Variants in SHTN1 observed in about 807,000 individuals in gnomAD.
SHTN1 encodes shootin 1.
A neutral mutation model predicts 83.1 loss-of-function variants in SHTN1; 42 were observed. The ratio of observed to expected loss-of-function variants is 0.51; its 90% CI spans 0.39 to 0.65. SHTN1 has a LOEUF of 0.65. Ranked by LOEUF, SHTN1 falls within the 30% of genes least tolerant of loss-of-function variation. The pLI is 0.00. For missense variants in SHTN1, 622 were observed against 737.8 expected (o/e 0.84, Z 1.82); for synonymous variants, 224 against 247.7 (o/e 0.90, Z 0.90).
chr10:116,916,192 AT>A (rs1304269567), intron 12 of SHTN1, among the ~76,000 whole-genome samples: 7 of 152,196 alleles, frequency 4.6e-5, no homozygotes, highest in African/African-American at 1.4e-4. Context: ...TGCAAAAAAA[AT>A]AAATAAATAA....
intron 1 of SHTN1, among the ~76,000 whole-genome samples, chr10:117,064,527 C>T (rs141314371): frequency 4.6e-5 from 7 of 151,946 alleles, no homozygotes; most frequent in Middle Eastern, 3.4e-3. Flanking sequence ...TGGTGGTGGG[C>T]GCCTGTAATC....
At chr10:117,027,292 A>G (rs7084815) in intron 2 of SHTN1, among the ~76,000 whole-genome samples, 138,240 of 151,894 alleles carry the variant, frequency 0.91, 64,290 homozygotes, top group Non-Finnish European at 1. Context: ...GTGAGTTCTC[A>G]TGAGATCTGG....
At chr10:116,987,225 C>T (rs914821907) in intron 1 of SHTN1, among the ~76,000 whole-genome samples, 1 of 152,016 alleles carries the variant, frequency 6.6e-6, no homozygotes, top group Non-Finnish European at 1.5e-5. Context: ...GAGAAGAACT[C>T]GTAAAGGTCA....
chr10:117,076,027 A>T lies in SHTN1; in HGVS notation c.-188-27517T>A, dbSNP rs548539731. On this transcript the variant is annotated intron_variant, in intron 1 of 17. Transcript: ENST00000392901. Reference sequence around the variant, plus strand: ...GTGGAACCCTATCTCTACTAAAAATAAAAAAATTAGCTAGGCGTGGTGGTG... The same window carrying T: ...GTGGAACCCTATCTCTACTAAAAATTAAAAAATTAGCTAGGCGTGGTGGTG... Among the ~76,000 whole-genome samples, 11 of 152,042 alleles carry T rather than the reference A, an allele frequency of 7.2e-5. No individual in the cohort carries two copies. In the South Asian group the frequency reaches 1.9e-3, roughly 26 times the overall value.
At chr10:117,064,714 C>T (rs1393426780) in intron 1 of SHTN1, among the ~76,000 whole-genome samples, 2 of 151,762 alleles carry the variant, frequency 1.3e-5, no homozygotes, top group African/African-American at 4.8e-5. Flanking sequence ...CCCCACTTGT[C>T]CCACCCTCAA....
chr10:117,093,612 T>A (rs1051834198), intron 1 of SHTN1, among the ~76,000 whole-genome samples: 3 of 152,080 alleles, frequency 2.0e-5, no homozygotes, highest in Admixed American at 6.5e-5. Flanking sequence ...AGATTCAAAC[T>A]CCGATCTACC....
intron 1 of SHTN1, among the ~76,000 whole-genome samples, chr10:117,109,239 C>G (rs1853724564): frequency 1.3e-5 from 2 of 152,120 alleles, no homozygotes; most frequent in African/African-American, 4.8e-5. Flanking sequence ...CACCCCCCAC[C>G]ACTGCTTTGG....
intron 1 of SHTN1, among the ~76,000 whole-genome samples, chr10:117,086,376 T>C (rs1043311981): frequency 1.3e-5 from 2 of 152,246 alleles, no homozygotes; most frequent in African/African-American, 4.8e-5. Context: ...GGGGTCTTGT[T>C]TGCTTTATTT....
chr10:117,088,157 G>C (rs1313212649), intron 1 of SHTN1, among the ~76,000 whole-genome samples: 1 of 152,142 alleles, frequency 6.6e-6, no homozygotes, highest in Non-Finnish European at 1.5e-5. Context: ...TTTTGCATTT[G>C]ATTACACACA....
At chr10:117,086,488 T>A (rs537909149) in intron 1 of SHTN1, among the ~76,000 whole-genome samples, 1 of 152,342 alleles carries the variant, frequency 6.6e-6, no homozygotes, top group South Asian at 2.1e-4. Flanking sequence ...TACTTGTAAC[T>A]GATTTTCATT....
intron 16 of SHTN1, among the ~76,000 whole-genome samples, chr10:116,898,699 A>C (rs1847609265): frequency 6.6e-6 from 1 of 152,228 alleles, no homozygotes; most frequent in Non-Finnish European, 1.5e-5. Context: ...AGGCTTTCCC[A>C]AGCCCTGATT....
At chr10:116,963,055 T>G (rs964474293) in intron 3 of SHTN1, among the ~76,000 whole-genome samples, 10 of 47,386 alleles carry the variant, frequency 2.1e-4, no homozygotes, top group Admixed American at 1.8e-3. Context: ...TTTTTTTTTT[T>G]TTTTTTTTTT....
At chr10:117,016,010 T>G (rs1012136011) in intron 2 of SHTN1, among the ~76,000 whole-genome samples, 1 of 152,208 alleles carries the variant, frequency 6.6e-6, no homozygotes, top group African/African-American at 2.4e-5. Context: ...TCTTTTTGCA[T>G]TCACTGCTTA....
chr10:117,046,094 T>C (rs1357547089), intron 2 of SHTN1, among the ~76,000 whole-genome samples: 1 of 151,960 alleles, frequency 6.6e-6, no homozygotes, highest in Non-Finnish European at 1.5e-5. Flanking sequence ...GAAGAAATAT[T>C]TGAAGGAATA....
intron 7 of SHTN1, among the ~76,000 whole-genome samples, chr10:116,946,075 A>T (rs536683068): frequency 2.5e-4 from 38 of 152,066 alleles, no homozygotes; most frequent in African/African-American, 7.5e-4. Flanking sequence ...AAAGAAAGGA[A>T]ATAATAAAAA....
rs1420888236 is a variant in SHTN1, at chr10:116,911,809, T to C, written c.1340A>G (p.Asp447Gly). ...ESSKGCESAVDELKGILGTLN... is the reference protein window; with the variant it reads ...ESSKGCESAVGELKGILGTLN... Reference sequence around the variant, plus strand: ...TCTTACCAGTATTCCTTTTAGTTCATCCACTGCACTTTCGCAGCCTTTCGA... The same window carrying C: ...TCTTACCAGTATTCCTTTTAGTTCACCCACTGCACTTTCGCAGCCTTTCGA... Residue 447 changes from aspartate (D) to glycine (G), a missense_variant, in exon 14 of 17, where the codon GAT becomes GGT. By Grantham distance (94) the Asp-to-Gly change is moderately conservative (BLOSUM62 -1). This residue lies in a region of SHTN1 where 231 missense variants were observed against 251.6 expected (regional missense o/e 0.92). Transcript: ENST00000355371. 6 of 1,612,942 alleles carry C rather than the reference T, an allele frequency of 3.7e-6. No individual in the cohort carries two copies. In the South Asian group the frequency reaches 4.4e-5, roughly 12 times the overall value.
intron 1 of SHTN1, among the ~76,000 whole-genome samples, chr10:117,002,346 G>A (rs1851850423): frequency 1.3e-5 from 2 of 152,152 alleles, no homozygotes; most frequent in South Asian, 4.1e-4. Context: ...CCTACCACAT[G>A]GACCTGACAT....
chr10:116,956,839 A>C (rs961232221), intron 4 of SHTN1, among the ~76,000 whole-genome samples: 1 of 152,130 alleles, frequency 6.6e-6, no homozygotes, highest in African/African-American at 2.4e-5. Flanking sequence ...CAATCAGAAA[A>C]TTTCATAATC....
At chr10:116,904,599 T>C (rs1049445532) in intron 15 of SHTN1, among the ~76,000 whole-genome samples, 1 of 152,216 alleles carries the variant, frequency 6.6e-6, no homozygotes, top group Admixed American at 6.5e-5. Context: ...TTTTCTATTC[T>C]AACTGCCCTA....
Sources: allele counts gnomAD v4.1 joint callset (sites outside exome capture counted in the v4.1 genomes callset), GRCh38; gene constraint gnomAD v4.1.1; regional missense constraint gnomAD v4.1.1; transcripts MANE v1.5; gene names NCBI Gene and HGNC (gene_info 2026-07-23, HGNC 2026-07-21).